Variants in HCN1 observed in about 807,000 individuals in gnomAD.
HCN1 encodes the protein potassium/sodium hyperpolarization-activated cyclic nucleotide-gated channel 1.
A neutral mutation model predicts 78.9 loss-of-function variants in HCN1; 13 were observed. That is an observed-to-expected ratio of 0.16 (90% confidence interval 0.11 to 0.26). HCN1 has a LOEUF of 0.26. Among genes scored for constraint, HCN1 ranks in the 10% least tolerant of loss-of-function variants. The pLI, the probability that HCN1 is intolerant of heterozygous loss-of-function variation, is 1.00. For synonymous variants in HCN1, 552 were observed against 455.5 expected (o/e 1.21, Z -2.70); for missense variants, 810 against 1,154.3 (o/e 0.70, Z 4.32).
At chr5:45,630,287 C>T (rs1205849929) in intron 2 of HCN1, among the ~76,000 whole-genome samples, 1 of 152,184 alleles carries the variant, frequency 6.6e-6, no homozygotes, top group Non-Finnish European at 1.5e-5. Context: ...TTTTGAACAA[C>T]AGAGTATGGA....
intron 3 of HCN1, among the ~76,000 whole-genome samples, chr5:45,440,183 G>A (rs999180586): frequency 6.6e-6 from 1 of 151,692 alleles, no homozygotes; most frequent in South Asian, 2.1e-4. Context: ...CCAAACATTT[G>A]TTTTAGTTTA....
intron 3 of HCN1, among the ~76,000 whole-genome samples, chr5:45,429,752 G>A (rs915457185): frequency 3.3e-5 from 5 of 152,156 alleles, no homozygotes; most frequent in African/African-American, 1.2e-4. Flanking sequence ...GGTCATCGAA[G>A]GAGGTGAAAG....
intron 6 of HCN1, among the ~76,000 whole-genome samples, chr5:45,297,915 A>T (rs1444036393): frequency 6.6e-6 from 1 of 152,050 alleles, no homozygotes; most frequent in African/African-American, 2.4e-5. Context: ...ACACTCATTC[A>T]TGATTAAAGA....
chr5:45,623,889 A>T (rs11959861), intron 2 of HCN1, among the ~76,000 whole-genome samples: 4,966 of 152,308 alleles, frequency 0.033, 263 homozygotes, highest in African/African-American at 0.11. Flanking sequence ...GTAGTCAAGG[A>T]AGATCTCAAT....
chr5:45,429,947 C>T (rs1740429433), intron 3 of HCN1, among the ~76,000 whole-genome samples: 2 of 151,336 alleles, frequency 1.3e-5, no homozygotes, highest in Non-Finnish European at 2.9e-5. Context: ...GTAATGATAT[C>T]AAAGATGGAT....
chr5:45,351,132 A>T (rs1746891404), intron 5 of HCN1, among the ~76,000 whole-genome samples: 1 of 152,112 alleles, frequency 6.6e-6, no homozygotes, highest in Non-Finnish European at 1.5e-5. Flanking sequence ...ACTATACTAC[A>T]AGTCTACAGT....
rs540256713 is a variant in HCN1, at chr5:45,323,160, T to G, written c.1378-19321A>C. 1.8e-4 allele frequency among the ~76,000 whole-genome samples: 27 copies of G among 151,944 alleles called. 1 individual carries two copies. Among genetic ancestry groups the G allele is most frequent in the African/African-American group, 6.5e-4 (27 of 41,514 alleles). Reference sequence around the variant, plus strand: ...TGAAATCTACATACAGGTTAAGCATTTCTGAGAAAAATTCAGCATCCAAAT... The same window carrying G: ...TGAAATCTACATACAGGTTAAGCATGTCTGAGAAAAATTCAGCATCCAAAT... On this transcript the variant is annotated intron_variant, in intron 5 of 7. Transcript: ENST00000303230.
In HCN1 at chr5:45,331,866, GA is replaced by G. The variant is rs1296296819; in HGVS notation, c.1377+21233del. On this transcript the variant is annotated intron_variant, in intron 5 of 7. Transcript: ENST00000303230. ...CCACCATCATCATCAGTAATTCATT[GA>G]GTTGACATACATTATCTTACTCTAT... Among the ~76,000 whole-genome samples, 3 of 151,322 alleles carry G rather than the reference GA, an allele frequency of 2.0e-5. No homozygotes were observed. In the East Asian group the frequency reaches 5.8e-4, roughly 29 times the overall value.
intron 4 of HCN1, among the ~76,000 whole-genome samples, chr5:45,360,838 G>A (rs1747093854): frequency 6.6e-6 from 1 of 151,990 alleles, no homozygotes; most frequent in Non-Finnish European, 1.5e-5. Flanking sequence ...TTGCTTTTTA[G>A]CAGAAGTTTG....
intron 1 of HCN1, among the ~76,000 whole-genome samples, chr5:45,659,634 G>C (rs1745878799): frequency 6.9e-6 from 1 of 144,920 alleles, no homozygotes; most frequent in African/African-American, 2.6e-5. Flanking sequence ...TGAAAACCAA[G>C]GCTCGAGAAC....
intron 4 of HCN1, among the ~76,000 whole-genome samples, chr5:45,383,949 T>G (rs755981322): frequency 2.0e-5 from 3 of 152,052 alleles, no homozygotes; most frequent in African/African-American, 7.2e-5. Flanking sequence ...TTATACAACA[T>G]CTGAGAAACA....
intron 2 of HCN1, among the ~76,000 whole-genome samples, chr5:45,609,076 T>C (rs1233037793): frequency 6.6e-6 from 1 of 152,078 alleles, no homozygotes; most frequent in Non-Finnish European, 1.5e-5. Flanking sequence ...GACAGTATTA[T>C]GTGTTTGAGA....
At chr5:45,312,616 G>A (rs1745874864) in intron 5 of HCN1, among the ~76,000 whole-genome samples, 1 of 152,182 alleles carries the variant, frequency 6.6e-6, no homozygotes, top group Admixed American at 6.5e-5. Flanking sequence ...CCCTTTCCTA[G>A]CCAAGGGAAG....
At chr5:45,556,663 G>A (rs1445085003) in intron 2 of HCN1, among the ~76,000 whole-genome samples, 2 of 151,862 alleles carry the variant, frequency 1.3e-5, no homozygotes, top group Admixed American at 6.6e-5. Flanking sequence ...CTCACCCCAA[G>A]AAGCACATTT....
chr5:45,585,679 A>G (rs1166608480), intron 2 of HCN1, among the ~76,000 whole-genome samples: 1 of 151,966 alleles, frequency 6.6e-6, no homozygotes, highest in African/African-American at 2.4e-5. Flanking sequence ...GTCTTTCATG[A>G]TGGTGATGTA....
chr5:45,597,908 T>C (rs1744537664), intron 2 of HCN1, among the ~76,000 whole-genome samples: 1 of 151,928 alleles, frequency 6.6e-6, no homozygotes, highest in Admixed American at 6.6e-5. Flanking sequence ...CTCAACAAAA[T>C]AAAAGAGGAC....
chr5:45,340,141 G>A (rs58216549), intron 5 of HCN1, among the ~76,000 whole-genome samples: 5,279 of 152,042 alleles, frequency 0.035, 332 homozygotes, highest in African/African-American at 0.12. Flanking sequence ...GGCTGGTCTC[G>A]AACTCCTGAC....
At chr5:45,613,086 G>A (rs186453213) in intron 2 of HCN1, among the ~76,000 whole-genome samples, 2 of 151,630 alleles carry the variant, frequency 1.3e-5, no homozygotes, top group South Asian at 2.1e-4. Flanking sequence ...CATGTGCCAT[G>A]CTGGTGCACT....
At chr5:45,305,480 A>T (rs1302606408) in intron 5 of HCN1, among the ~76,000 whole-genome samples, 1 of 152,128 alleles carries the variant, frequency 6.6e-6, no homozygotes, top group Non-Finnish European at 1.5e-5. Flanking sequence ...AGAGAAAGAT[A>T]TTACATGTGG....
Sources: gnomAD v4.1 joint callset for allele counts (sites outside exome capture counted in the v4.1 genomes callset) on GRCh38, gnomAD v4.1.1 for gene constraint, MANE v1.5 for transcripts, NCBI Gene and HGNC (gene_info 2026-07-23, HGNC 2026-07-21) for gene names.